The following GLIS3 variants were observed in gnomAD, a reference collection of about 807,000 sequenced individuals.
GLIS3 encodes the protein GLIS family zinc finger 3.
Under a neutral mutation model 78.6 loss-of-function variants are expected in GLIS3, and 53 were observed. The ratio of observed to expected loss-of-function variants is 0.67; its 90% CI spans 0.54 to 0.85. The LOEUF (loss-of-function observed/expected upper bound fraction) is 0.85, where lower values mean the gene tolerates loss of function less well. Ranked by LOEUF, GLIS3 falls within the 40% of genes least tolerant of loss-of-function variation. GLIS3 has a pLI of 0.00. For synonymous variants in GLIS3, 684 were observed against 509.9 expected, an observed-to-expected ratio of 1.34 and a Z score of -4.60; for missense variants, 1,703 against 1,231.1, an observed-to-expected ratio of 1.38 and a Z score of -5.74.
the GLIS3 span, among the ~76,000 whole-genome samples, chr9:4,475,410 A>T: frequency 6.4e-3 from 972 of 152,232 alleles, 11 homozygotes; most frequent in Non-Finnish European, 7.5e-3. Flanking sequence ...TTGTTGGCAA[A>T]CGTTTACCAG....
At chr9:4,414,310 G>A in the GLIS3 span, among the ~76,000 whole-genome samples, 8 of 152,292 alleles carry the variant, frequency 5.3e-5, no homozygotes, top group East Asian at 7.7e-4. Context: ...AACATGTATG[G>A]CCCAGAGGCA....
intron 8 of GLIS3, among the ~76,000 whole-genome samples, chr9:3,872,056 T>C (rs1821003676): frequency 1.3e-5 from 2 of 152,146 alleles, no homozygotes; most frequent in African/African-American, 4.8e-5. Flanking sequence ...AGTTCAAAGT[T>C]CCACAAATCT....
At chr9:4,077,479 C>CA (rs374907912) in intron 4 of GLIS3, among the ~76,000 whole-genome samples, 2 of 152,054 alleles carry the variant, frequency 1.3e-5, no homozygotes, top group African/African-American at 4.8e-5. Flanking sequence ...TACTTCTCCT[C>CA]AAAAAAAGGA....
intron 4 of GLIS3, among the ~76,000 whole-genome samples, chr9:4,047,947 T>C (rs10733504): frequency 0.84 from 127,831 of 152,194 alleles, 54,075 homozygotes; most frequent in African/African-American, 0.95. Flanking sequence ...CTGGTAGGCC[T>C]AAGGAGGTCT....
chr9:3,972,384 G>A (rs1292802679), intron 4 of GLIS3, among the ~76,000 whole-genome samples: 2 of 152,284 alleles, frequency 1.3e-5, no homozygotes, highest in Middle Eastern at 3.4e-3. Context: ...AATGGGAGAG[G>A]AGAGTATGGT....
At chr9:3,946,417 C>T (rs1344423534) in intron 4 of GLIS3, among the ~76,000 whole-genome samples, 2 of 152,130 alleles carry the variant, frequency 1.3e-5, no homozygotes, top group Non-Finnish European at 2.9e-5. Flanking sequence ...CTCATTAAGG[C>T]TTTTTAATTA....
intron 2 of GLIS3, among the ~76,000 whole-genome samples, chr9:4,176,417 C>G (rs1816818608): frequency 6.6e-6 from 1 of 152,160 alleles, no homozygotes. Context: ...GCATGAAGTT[C>G]TGTTCATCTA....
intron 4 of GLIS3, among the ~76,000 whole-genome samples, chr9:4,037,368 G>T (rs1824405728): frequency 6.6e-6 from 1 of 152,138 alleles, no homozygotes; most frequent in Non-Finnish European, 1.5e-5. Context: ...CTGTAAAATA[G>T]GATGGTAAAA....
chr9:4,397,251 T>C, the GLIS3 span, among the ~76,000 whole-genome samples: 1 of 147,784 alleles, frequency 6.8e-6, no homozygotes, highest in Non-Finnish European at 1.5e-5. Flanking sequence ...GGTCTCGATC[T>C]CCTGACCTCG....
the GLIS3 span, among the ~76,000 whole-genome samples, chr9:4,411,727 A>C: frequency 6.6e-6 from 1 of 152,204 alleles, no homozygotes; most frequent in Non-Finnish European, 1.5e-5. Context: ...TCATGCTCCC[A>C]AAGAAATAAC....
intron 2 of GLIS3, among the ~76,000 whole-genome samples, chr9:4,284,229 G>A (rs1411928905): frequency 6.6e-6 from 1 of 152,198 alleles, no homozygotes; most frequent in East Asian, 1.9e-4. Context: ...AGGAATAACT[G>A]AGACTACGTA....
intron 2 of GLIS3, among the ~76,000 whole-genome samples, chr9:4,201,044 T>C (rs889451971): frequency 6.6e-6 from 1 of 152,186 alleles, no homozygotes; most frequent in Non-Finnish European, 1.5e-5. Flanking sequence ...TGCAAATCCA[T>C]AGATGTGATT....
At chr9:4,188,757 C>T (rs2131206894) in intron 2 of GLIS3, among the ~76,000 whole-genome samples, 1 of 152,290 alleles carries the variant, frequency 6.6e-6, no homozygotes, top group South Asian at 2.1e-4. Context: ...GTATCCATTT[C>T]TTCTAGATTT....
At chr9:4,024,841 A>T (rs1475902501) in intron 4 of GLIS3, among the ~76,000 whole-genome samples, 2 of 152,116 alleles carry the variant, frequency 1.3e-5, no homozygotes, top group African/African-American at 4.8e-5. Flanking sequence ...TAGATCTGTG[A>T]TTCTTAGATT....
chr9:3,864,786 T>G (rs1288991633), intron 8 of GLIS3, among the ~76,000 whole-genome samples: 1 of 152,188 alleles, frequency 6.6e-6, no homozygotes, highest in Non-Finnish European at 1.5e-5. Flanking sequence ...AATACACAAT[T>G]AGTGAAGGGC....
At chr9:4,175,333 T>C (rs1554723649) in intron 2 of GLIS3, among the ~76,000 whole-genome samples, 3 of 152,198 alleles carry the variant, frequency 2.0e-5, no homozygotes, top group Non-Finnish European at 4.4e-5. Flanking sequence ...CTGAGAGCTT[T>C]AGGGAGTTGG....
intron 2 of GLIS3, among the ~76,000 whole-genome samples, chr9:4,189,973 C>G (rs913919795): frequency 6.6e-6 from 1 of 152,138 alleles, no homozygotes; most frequent in Non-Finnish European, 1.5e-5. Context: ...GCTGAGGGTC[C>G]TGTCTGTTAG....
In GLIS3 at chr9:3,828,311, G is replaced by A; in HGVS notation, c.2754C>T (p.Arg918=). 1 of 1,614,112 alleles carries A rather than the reference G, an allele frequency of 6.2e-7. No individual in the cohort carries two copies. The change falls in exon 11 of 11, where the codon CGC becomes CGT. Residue 918 remains arginine (R), a synonymous_variant. Coordinates refer to ENST00000381971, the MANE Select transcript of GLIS3 (RefSeq NM_001042413.2). ...AGACAGAGGAGAGCTGGCTAGGACA[G>A]CGGTCCACGGTGCTGATCTGCAAGA... The part of the protein sequence containing the change: ...ATFLQISTVD[R]CPSQLSSVYT...
At chr9:4,250,191 A>T (rs186242314) in intron 2 of GLIS3, among the ~76,000 whole-genome samples, 4 of 152,328 alleles carry the variant, frequency 2.6e-5, no homozygotes, top group African/African-American at 7.2e-5. Context: ...TTCAGAAGGA[A>T]TGGTACCAGC....
Sources: gnomAD v4.1 joint callset for allele counts (sites outside exome capture counted in the v4.1 genomes callset) on GRCh38, gnomAD v4.1.1 for gene constraint, MANE v1.5 for transcripts, NCBI Gene and HGNC (gene_info 2026-07-23, HGNC 2026-07-21) for gene names.